Variants in CERS6 observed in about 807,000 individuals in gnomAD.
The protein encoded by CERS6 is LAG1 homolog, ceramide synthase 6.
In CERS6, 26 loss-of-function variants were observed where a neutral mutation model predicts 56.8. The ratio of observed to expected loss-of-function variants is 0.46; its 90% CI spans 0.34 to 0.63. The LOEUF (loss-of-function observed/expected upper bound fraction) is 0.63. Ranked by LOEUF, CERS6 falls within the 30% of genes least tolerant of loss-of-function variation. The pLI, the probability that CERS6 is intolerant of heterozygous loss-of-function variation, is 0.01. For missense variants in CERS6, 415 were observed against 467.5 expected (o/e 0.89, Z 1.04); for synonymous variants, 164 against 173.3 (o/e 0.95, Z 0.42).
At chr2:168,686,678 T>C (rs1165046464) in intron 4 of CERS6, among the ~76,000 whole-genome samples, 1 of 152,132 alleles carries the variant, frequency 6.6e-6, no homozygotes, top group African/African-American at 2.4e-5. Flanking sequence ...CATTACTCAT[T>C]CTTCGTCACC....
intron 1 of CERS6, among the ~76,000 whole-genome samples, chr2:168,539,353 C>T (rs1210855482): frequency 1.3e-5 from 2 of 152,174 alleles, no homozygotes; most frequent in Non-Finnish European, 2.9e-5. Flanking sequence ...AGACCTTGGG[C>T]ACCCTCATTA....
chr2:168,480,417 A>C (rs1250573906), intron 1 of CERS6, among the ~76,000 whole-genome samples: 1 of 152,186 alleles, frequency 6.6e-6, no homozygotes, highest in Non-Finnish European at 1.5e-5. Flanking sequence ...ATAATAATAA[A>C]ATTTCATAGC....
intron 4 of CERS6, among the ~76,000 whole-genome samples, chr2:168,636,410 A>G (rs1205178552): frequency 6.6e-6 from 1 of 152,192 alleles, no homozygotes; most frequent in Non-Finnish European, 1.5e-5. Flanking sequence ...ATAGAATGAT[A>G]AGTTGGAAGT....
Position 168,481,123 on chromosome 2 carries a change from T to C in CERS6, c.170+24505T>C, listed in dbSNP as rs540897345. 4.0e-4 allele frequency among the ~76,000 whole-genome samples: 61 copies of C among 152,210 alleles called. 2 individuals carry two copies. The South Asian group carries it at 0.012, about 31-fold the overall frequency. On this transcript the variant is annotated intron_variant, in intron 1 of 9. Coordinates refer to ENST00000305747, the MANE Select transcript of CERS6 (RefSeq NM_203463.3). ...AGCTTGTGGTTTGAAAGAGGGACAGTTGGCCAGGCTGGCCGGGCGCAGTGG... is the reference window on the plus strand; with the variant it reads ...AGCTTGTGGTTTGAAAGAGGGACAGCTGGCCAGGCTGGCCGGGCGCAGTGG...
intron 4 of CERS6, among the ~76,000 whole-genome samples, chr2:168,677,184 A>G (rs1418377041): frequency 6.7e-6 from 1 of 149,684 alleles, no homozygotes; most frequent in Non-Finnish European, 1.5e-5. Flanking sequence ...CCCACCCCCC[A>G]ACAGGCCCTG....
At chr2:168,503,087 T>C (rs1194754748) in intron 1 of CERS6, among the ~76,000 whole-genome samples, 1 of 152,054 alleles carries the variant, frequency 6.6e-6, no homozygotes, top group Non-Finnish European at 1.5e-5. Context: ...CTCATAGTAG[T>C]GAGTGAGTTC....
intron 4 of CERS6, among the ~76,000 whole-genome samples, chr2:168,650,748 C>A (rs552894040): frequency 6.6e-6 from 1 of 152,080 alleles, no homozygotes; most frequent in African/African-American, 2.4e-5. Context: ...CATTCATATA[C>A]CCCTTCAATT....
At chr2:168,632,694 T>A (rs1433264854) in intron 4 of CERS6, among the ~76,000 whole-genome samples, 1 of 152,194 alleles carries the variant, frequency 6.6e-6, no homozygotes, top group Non-Finnish European at 1.5e-5. Context: ...AGCGCTTTTG[T>A]GCTTATAACT....
chr2:168,524,221 G>T (rs895781623), intron 1 of CERS6, among the ~76,000 whole-genome samples: 7 of 152,228 alleles, frequency 4.6e-5, no homozygotes, highest in African/African-American at 7.2e-5. Flanking sequence ...TTCTTAGTGT[G>T]ATGTGATAAT....
At chr2:168,690,039 T>C (rs144097840) in intron 4 of CERS6, among the ~76,000 whole-genome samples, 55 of 152,196 alleles carry the variant, frequency 3.6e-4, no homozygotes, top group African/African-American at 1.1e-3. Context: ...AAAATACTAG[T>C]AGCTACTATA....
chr2:168,601,407 T>G (rs1299893273), intron 3 of CERS6, among the ~76,000 whole-genome samples: 1 of 152,194 alleles, frequency 6.6e-6, no homozygotes, highest in Non-Finnish European at 1.5e-5. Flanking sequence ...CTGCTGGTTG[T>G]TTGTGGACCT....
At chr2:168,634,926 A>G (rs562808590) in intron 4 of CERS6, among the ~76,000 whole-genome samples, 4 of 152,314 alleles carry the variant, frequency 2.6e-5, no homozygotes, top group Non-Finnish European at 5.9e-5. Flanking sequence ...AAATTGATCT[A>G]CTGTTTACTA....
chr2:168,638,429 C>A (rs1297189023), intron 4 of CERS6, among the ~76,000 whole-genome samples: 6 of 147,042 alleles, frequency 4.1e-5, no homozygotes, highest in Admixed American at 6.7e-5. Flanking sequence ...CACATCGTAT[C>A]AAAAAAAAAA....
At chr2:168,520,773 C>A (rs1306211016) in intron 1 of CERS6, among the ~76,000 whole-genome samples, 1 of 151,620 alleles carries the variant, frequency 6.6e-6, no homozygotes. Context: ...ACACACCCAG[C>A]TTATTTTTGT....
rs765970479 is a variant in CERS6, at chr2:168,717,990, A to C, written c.845+12A>C. The stretch of plus-strand genomic sequence containing the variant: ...ATATTTCCTCTCTGGTGAGTATGCC[A>C]GTCTCCTTCCTGATAGAGCCACCCT... On this transcript the variant is annotated intron_variant, in intron 8 of 9. Coordinates refer to ENST00000305747, the MANE Select transcript of CERS6 (RefSeq NM_203463.3). 1.9e-6 allele frequency: 3 copies of C among 1,576,858 alleles called. No homozygotes were observed. The highest frequency in any genetic ancestry group is 3.4e-5 in the Admixed American group (2 of 58,600).
At chr2:168,587,058 C>G (rs1305720266) in intron 3 of CERS6, among the ~76,000 whole-genome samples, 1 of 152,106 alleles carries the variant, frequency 6.6e-6, no homozygotes, top group Non-Finnish European at 1.5e-5. Flanking sequence ...GTAGTCCCAG[C>G]TATGCGGTGG....
chr2:168,533,466 A>T (rs115058750), intron 1 of CERS6, among the ~76,000 whole-genome samples: 1,647 of 152,304 alleles, frequency 0.011, 14 homozygotes, highest in African/African-American at 0.024. Context: ...CCATGGCCAG[A>T]ACTTCTCATA....
intron 4 of CERS6, among the ~76,000 whole-genome samples, chr2:168,663,931 A>G (rs1685694374): frequency 6.6e-6 from 1 of 152,176 alleles, no homozygotes; most frequent in Non-Finnish European, 1.5e-5. Flanking sequence ...GTAATATGTC[A>G]GCAACTAACA....
chr2:168,628,031 T>G (rs1276323573), intron 3 of CERS6, among the ~76,000 whole-genome samples: 1 of 152,192 alleles, frequency 6.6e-6, no homozygotes, highest in South Asian at 2.1e-4. Context: ...CCCGGCAGTC[T>G]TTTATTGACT....
Sources: gnomAD v4.1 joint callset for allele counts (sites outside exome capture counted in the v4.1 genomes callset) on GRCh38, gnomAD v4.1.1 for gene constraint, MANE v1.5 for transcripts, NCBI Gene and HGNC (gene_info 2026-07-23, HGNC 2026-07-21) for gene names.